The following WNK2 variants were observed in gnomAD, a reference collection of about 807,000 sequenced individuals.
WNK2 encodes the protein WNK lysine deficient protein kinase 2.
In WNK2, 67 loss-of-function variants were observed where a neutral mutation model predicts 192.1. The ratio of observed to expected loss-of-function variants is 0.35; its 90% CI spans 0.29 to 0.43. WNK2 has a LOEUF of 0.43. Ranked by LOEUF, WNK2 falls within the 20% of genes least tolerant of loss-of-function variation. The pLI is 1.00. For synonymous variants in WNK2, 1,439 were observed against 1,393.9 expected (o/e 1.03, Z -0.72); for missense variants, 2,698 against 3,089.7 (o/e 0.87, Z 3.01).
chr9:93,300,361 T>G (rs906931302), intron 26 of WNK2: 20 of 479,036 alleles, frequency 4.2e-5, no homozygotes, highest in Middle Eastern at 5.5e-4. Flanking sequence ...ACAGCGTGTG[T>G]GCATGCTCAT....
In WNK2 at chr9:93,185,689, C is replaced by G. The variant is rs944171604; in HGVS notation, c.681+79C>G. 29 of 1,507,942 alleles carry G rather than the reference C, an allele frequency of 1.9e-5. No individual in the cohort carries two copies. The Admixed American group carries it at 2.3e-4, about 12-fold the overall frequency. The allele number at this position is 1,507,942 out of a possible 1,614,324, so 93.4% of individuals were successfully genotyped here. On this transcript the variant is annotated intron_variant, in intron 2 of 29. Coordinates refer to ENST00000427277, the MANE Select transcript of WNK2 (RefSeq NM_006648.4). ...GTCCTTGGGCCTGTCCTTGCTCCTGCGCCTGGCCTTAAGAAGCCCTGGGGG... is the reference window on the plus strand; with the variant it reads ...GTCCTTGGGCCTGTCCTTGCTCCTGGGCCTGGCCTTAAGAAGCCCTGGGGG...
Position 93,204,484 on chromosome 9 carries a change from G to T in WNK2, c.681+18874G>T, listed in dbSNP as rs1469174476. ...GCTGTGGGCCCCAGGAGGACTCAGG[G>T]TTCTAAATGTGCTGGGAAGCCCCAC... On this transcript the variant is annotated intron_variant, in intron 2 of 29. Coordinates refer to ENST00000427277, the MANE Select transcript of WNK2 (RefSeq NM_006648.4). Among the ~76,000 whole-genome samples, 3 of 152,226 alleles carry T rather than the reference G, an allele frequency of 2.0e-5. No homozygotes were observed. The South Asian group carries it at 6.2e-4, about 31-fold the overall frequency.
chr9:93,227,076 G>T (rs1014679872), intron 2 of WNK2, among the ~76,000 whole-genome samples: 2 of 151,488 alleles, frequency 1.3e-5, no homozygotes, highest in Admixed American at 6.6e-5. Flanking sequence ...GCCAGGTGGG[G>T]CCCACTGTTC....
chr9:93,293,191 G>C lies in WNK2; in HGVS notation c.5708+18G>C. The C allele has an allele frequency of 6.9e-7, 1 of 1,445,048 alleles. No homozygotes were observed. Among genetic ancestry groups the C allele is most frequent in the Non-Finnish European group, 9.1e-7 (1 of 1,104,342 alleles). 89.5% of individuals were successfully genotyped at this position (1,445,048 alleles called of 1,614,324 possible). On this transcript the variant is annotated intron_variant, in intron 23 of 29. Transcript: ENST00000427277. The stretch of plus-strand genomic sequence containing the variant: ...CGGGAGAAGTAGGTCCTGCGGGCAG[G>C]AAGTGTTGCCCCCGCCCCTGGGCCA...
intron 8 of WNK2, among the ~76,000 whole-genome samples, chr9:93,251,699 C>A (rs1257410945): frequency 6.6e-6 from 1 of 152,044 alleles, no homozygotes; most frequent in African/African-American, 2.4e-5. Flanking sequence ...GACAGTGAGA[C>A]CTTGTCTCAA....
intron 2 of WNK2, among the ~76,000 whole-genome samples, chr9:93,207,630 A>G (rs1833633614): frequency 6.6e-6 from 1 of 152,216 alleles, no homozygotes; most frequent in Non-Finnish European, 1.5e-5. Context: ...CAGAGGGAGC[A>G]CTTGAGGAAA....
Position 93,252,985 on chromosome 9 carries a change from C to A in WNK2, c.1937C>A (p.Ser646Tyr), listed in dbSNP as rs1365473071. 10 of 1,566,560 alleles carry A rather than the reference C, an allele frequency of 6.4e-6. No homozygotes were observed. The highest frequency in any genetic ancestry group is 8.6e-6 in the Non-Finnish European group (10 of 1,157,118). Residue 646 changes from serine to tyrosine, a missense_variant, in exon 9 of 30, where the codon TCC becomes TAC. By Grantham distance (144) the Ser-to-Tyr change is moderately radical. Transcript: ENST00000427277. ...MLGSLADAAP[S>Y]PAQCVCSPPV... ...GGCTCCCTTGCCGACGCAGCGCCGT[C>A]CCCGGCCCAGTGTGTGTGCAGCCCC...
At position 93,269,475 on chromosome 9, in the gene WNK2, T is replaced by C. The variant is rs561055786; in HGVS notation, c.4033+729T>C. On this transcript the variant is annotated intron_variant, in intron 19 of 29. Transcript: ENST00000427277. ...ATTATCTTTTGGAGATTCGTTCCCA[T>C]GGGGGACAGGTCAGCCTAATAACGA... 7.2e-5 allele frequency among the ~76,000 whole-genome samples: 11 copies of C among 152,318 alleles called. No homozygotes were observed. The South Asian group carries it at 2.3e-3, about 32-fold the overall frequency.
rs577280339 is a variant in WNK2, at chr9:93,259,875, G to A, written c.3066+261G>A. 1.4e-4 allele frequency among the ~76,000 whole-genome samples: 21 copies of A among 152,374 alleles called. No individual in the cohort carries two copies. Among genetic ancestry groups the A allele is most frequent in the African/African-American group, 5.0e-4 (21 of 41,598 alleles). ...TGTGTCCCTACCTTCCCATGGCTCT[G>A]TGGCCCCTGCTCTTGTGGTATCTTT... On this transcript the variant is annotated intron_variant, in intron 12 of 29. Transcript: ENST00000427277. This position sits in a 1 kb window ranked among gnomAD's most constrained non-coding sequence, Gnocchi z 4.8.
At chr9:93,287,036 G>C (rs1422225856) in intron 19 of WNK2, among the ~76,000 whole-genome samples, 1 of 152,200 alleles carries the variant, frequency 6.6e-6, no homozygotes, top group Non-Finnish European at 1.5e-5. Context: ...TTACCATTGA[G>C]GGCATAAAGT....
At chr9:93,210,523 G>A (rs898660759) in intron 2 of WNK2, among the ~76,000 whole-genome samples, 1 of 152,096 alleles carries the variant, frequency 6.6e-6, no homozygotes, top group Non-Finnish European at 1.5e-5. Flanking sequence ...GTGCGCGTGG[G>A]TGCTGGGGCA....
At chr9:93,307,287 T>C (rs1173770122) in intron 27 of WNK2, 2 of 167,308 alleles carry the variant, frequency 1.2e-5, no homozygotes, top group African/African-American at 4.8e-5. Flanking sequence ...GGCTGAACTT[T>C]TCATGTAGGA....
At chr9:93,217,200 G>A (rs565012155) in intron 2 of WNK2, among the ~76,000 whole-genome samples, 7 of 152,166 alleles carry the variant, frequency 4.6e-5, no homozygotes, top group South Asian at 2.1e-4. Context: ...CTCGTGATCC[G>A]CCTGCCTCGG....
chr9:93,211,587 TACTC>T (rs1357625345), intron 2 of WNK2, among the ~76,000 whole-genome samples: 13 of 131,484 alleles, frequency 9.9e-5, no homozygotes, highest in Non-Finnish European at 2.0e-4. Context: ...CTCACTCATT[TACTC>T]ACTCATCCAC....
At chr9:93,269,902 C>CA (rs1845781590) in intron 19 of WNK2, among the ~76,000 whole-genome samples, 1 of 152,014 alleles carries the variant, frequency 6.6e-6, no homozygotes, top group African/African-American at 2.4e-5. Flanking sequence ...TGAGAATAAC[C>CA]AAAAAATGAT....
intron 7 of WNK2, among the ~76,000 whole-genome samples, chr9:93,243,635 G>T (rs1841165553): frequency 6.6e-6 from 1 of 152,244 alleles, no homozygotes; most frequent in African/African-American, 2.4e-5. Flanking sequence ...CCGCCTGGCA[G>T]CAGCTGGAAG....
chr9:93,279,049 T>G (rs573145012), intron 19 of WNK2, among the ~76,000 whole-genome samples: 1 of 152,092 alleles, frequency 6.6e-6, no homozygotes, highest in African/African-American at 2.4e-5. Flanking sequence ...CCGAAAAGCA[T>G]CCCCCAAAGA....
intron 18 of WNK2, 87 bp downstream of exon 18, chr9:93,268,152 T>C: frequency 2.0e-6 from 3 of 1,520,042 alleles, no homozygotes; most frequent in Non-Finnish European, 2.7e-6. Context: ...TGGCCATTGC[T>C]TGGGGGGATT....
chr9:93,211,845 C>G (rs1834826964), intron 2 of WNK2, among the ~76,000 whole-genome samples: 1 of 151,350 alleles, frequency 6.6e-6, no homozygotes, highest in Admixed American at 6.6e-5. Flanking sequence ...CTCGCTCACT[C>G]ACACATTCCC....
Sources: gnomAD v4.1 joint callset for allele counts (sites outside exome capture counted in the v4.1 genomes callset) on GRCh38, gnomAD v4.1.1 for gene constraint, Gnocchi (gnomAD v3.1) non-coding constraint, MANE v1.5 for transcripts, NCBI Gene and HGNC (gene_info 2026-07-23, HGNC 2026-07-21) for gene names.